The following DPH6 variants were observed in gnomAD, a reference collection of about 807,000 sequenced individuals.
DPH6 encodes the protein diphthamine biosynthesis 6.
Under a neutral mutation model 38.2 loss-of-function variants are expected in DPH6, and 33 were observed. That is an observed-to-expected ratio of 0.86 (90% CI 0.65 to 1.15). The LOEUF (loss-of-function observed/expected upper bound fraction) is 1.15. Ranked by LOEUF, DPH6 falls within the 50% of genes most tolerant of loss-of-function variation. The probability of loss-of-function intolerance (pLI) is 0.00; values close to 1 mark genes in which losing one functional copy is unlikely to be tolerated. For missense variants in DPH6, 325 were observed against 320.0 expected, an observed-to-expected ratio of 1.02 and a Z score of -0.12; for synonymous variants, 108 against 103.0, an observed-to-expected ratio of 1.05 and a Z score of -0.30.
intron 5 of DPH6, among the ~76,000 whole-genome samples, chr15:35,446,900 G>C (rs1383895934): frequency 6.7e-6 from 1 of 148,548 alleles, no homozygotes; most frequent in Non-Finnish European, 1.5e-5. Context: ...ACGGAGTCTT[G>C]CTCTGTCGCC....
intron 3 of DPH6, among the ~76,000 whole-genome samples, chr15:35,493,886 G>T (rs1595414439): frequency 6.6e-6 from 1 of 151,938 alleles, no homozygotes; most frequent in Non-Finnish European, 1.5e-5. Flanking sequence ...TTTTGAGTCT[G>T]GGATAAAAAT....
the DPH6 span, among the ~76,000 whole-genome samples, chr15:35,148,454 T>G: frequency 6.6e-6 from 1 of 152,208 alleles, no homozygotes; most frequent in African/African-American, 2.4e-5. Context: ...TATTCAATAT[T>G]TCAATGGATT....
At chr15:35,383,078 T>C (rs1326134382) in intron 6 of DPH6, among the ~76,000 whole-genome samples, 1 of 152,222 alleles carries the variant, frequency 6.6e-6, no homozygotes, top group African/African-American at 2.4e-5. Context: ...TTATAACTTA[T>C]GACCACTCTC....
chr15:35,509,299 T>A (rs1227806922), intron 3 of DPH6, among the ~76,000 whole-genome samples: 1 of 152,204 alleles, frequency 6.6e-6, no homozygotes, highest in African/African-American at 2.4e-5. Context: ...CTAAATTTCT[T>A]CAGCATTGAC....
intron 3 of DPH6, among the ~76,000 whole-genome samples, chr15:35,364,941 C>T (rs1417923199): frequency 6.6e-6 from 1 of 151,928 alleles, no homozygotes; most frequent in Non-Finnish European, 1.5e-5. Flanking sequence ...CCTCTTAATT[C>T]TTTTATGTGT....
intron 3 of DPH6, among the ~76,000 whole-genome samples, chr15:35,351,866 T>C (rs1396211697): frequency 6.6e-6 from 1 of 151,884 alleles, no homozygotes; most frequent in Non-Finnish European, 1.5e-5. Flanking sequence ...GGACCACTGG[T>C]GCTCACCAGC....
At chr15:35,245,555 G>T (rs577543894) in intron 3 of DPH6, among the ~76,000 whole-genome samples, 1 of 152,008 alleles carries the variant, frequency 6.6e-6, no homozygotes, top group Admixed American at 6.5e-5. Flanking sequence ...TTTAAATTGC[G>T]AGAAAAAGTA....
At chr15:35,285,372 T>C (rs1595461225) in intron 3 of DPH6, among the ~76,000 whole-genome samples, 1 of 151,904 alleles carries the variant, frequency 6.6e-6, no homozygotes, top group Non-Finnish European at 1.5e-5. Context: ...TGGGGGCGGG[T>C]CTTTCTCATG....
intron 3 of DPH6, among the ~76,000 whole-genome samples, chr15:35,352,952 G>A (rs1035189504): frequency 2.1e-4 from 32 of 152,182 alleles, no homozygotes; most frequent in Non-Finnish European, 3.8e-4. Flanking sequence ...GTTGTTTCCT[G>A]ACTTTTCAAT....
chr15:35,222,628 G>A (rs1163721594), intron 3 of DPH6, among the ~76,000 whole-genome samples: 1 of 152,120 alleles, frequency 6.6e-6, no homozygotes, highest in East Asian at 1.9e-4. Flanking sequence ...ATTCACATAT[G>A]AACTGGGGTA....
At chr15:35,452,957 A>T (rs981883766) in intron 4 of DPH6, among the ~76,000 whole-genome samples, 4 of 152,150 alleles carry the variant, frequency 2.6e-5, no homozygotes, top group South Asian at 4.1e-4. Flanking sequence ...CAGGAAGAAA[A>T]AACTTTTTGT....
At chr15:35,375,164 C>T (rs529514518) in intron 7 of DPH6, among the ~76,000 whole-genome samples, 5 of 152,056 alleles carry the variant, frequency 3.3e-5, no homozygotes, top group African/African-American at 1.2e-4. Flanking sequence ...GGTTTTAGGT[C>T]CTCCCTTCTC....
At chr15:35,381,639 C>T (rs903342598) in intron 7 of DPH6, among the ~76,000 whole-genome samples, 183 bp downstream of exon 7, 13 of 152,100 alleles carry the variant, frequency 8.5e-5, no homozygotes, top group Admixed American at 1.3e-4. Flanking sequence ...ATGAAGGCCT[C>T]GTCTTGTCAG....
At chr15:35,287,036 A>G (rs2051948040) in intron 3 of DPH6, among the ~76,000 whole-genome samples, 1 of 152,172 alleles carries the variant, frequency 6.6e-6, no homozygotes, top group Non-Finnish European at 1.5e-5. Context: ...AGTTGTTAAA[A>G]TGTGACACAA....
At chr15:35,456,437 TC>T (rs1447224848) in intron 3 of DPH6, among the ~76,000 whole-genome samples, 1 of 148,830 alleles carries the variant, frequency 6.7e-6, no homozygotes, top group Non-Finnish European at 1.5e-5. Context: ...GTTGTTTTCT[TC>T]CTTAACTAAG....
intron 3 of DPH6, among the ~76,000 whole-genome samples, chr15:35,511,619 C>T (rs2054773104): frequency 6.6e-6 from 1 of 152,052 alleles, no homozygotes; most frequent in Non-Finnish European, 1.5e-5. Context: ...AACACTTGCA[C>T]ACACTCCTAC....
At chr15:35,476,773 CAA>C (rs1197789707) in intron 3 of DPH6, among the ~76,000 whole-genome samples, 1 of 151,698 alleles carries the variant, frequency 6.6e-6, no homozygotes, top group African/African-American at 2.4e-5. Context: ...TTGCCAGTAA[CAA>C]AGTGTATTAT....
intron 7 of DPH6, among the ~76,000 whole-genome samples, chr15:35,376,229 A>C (rs1358761016): frequency 2.0e-5 from 3 of 152,166 alleles, no homozygotes; most frequent in Non-Finnish European, 4.4e-5. Context: ...TATAAAGTAC[A>C]TTGCCTAATA....
At chr15:35,468,257 G>A (rs1167463733) in intron 3 of DPH6, among the ~76,000 whole-genome samples, 1 of 152,128 alleles carries the variant, frequency 6.6e-6, no homozygotes, top group Non-Finnish European at 1.5e-5. Flanking sequence ...TCATTTTACA[G>A]AAGAGAAAGA....
Sources: allele counts gnomAD v4.1 joint callset (sites outside exome capture counted in the v4.1 genomes callset), GRCh38; gene constraint gnomAD v4.1.1; transcripts MANE v1.5; gene names NCBI Gene and HGNC (gene_info 2026-07-23, HGNC 2026-07-21).